MTMR2: variants seen among roughly 807,000 people sequenced by gnomAD.
MTMR2 encodes phosphatidylinositol-3,5-bisphosphate 3-phosphatase MTMR2.
In MTMR2, 55 loss-of-function variants were observed where a neutral mutation model predicts 86.9. The ratio of observed to expected loss-of-function variants is 0.63; its 90% CI spans 0.51 to 0.79. The LOEUF is 0.79. MTMR2 is among the 30% of genes least tolerant of loss of function. The pLI, the probability that MTMR2 is intolerant of heterozygous loss-of-function variation, is 0.00. For missense variants in MTMR2, 659 were observed against 772.3 expected (o/e 0.85, Z 1.74); for synonymous variants, 241 against 266.8 (o/e 0.90, Z 0.94).
chr11:95,850,411 ACT>A (rs1863972560), intron 8 of MTMR2, among the ~76,000 whole-genome samples, 187 bp downstream of exon 8: 1 of 152,060 alleles, frequency 6.6e-6, no homozygotes, highest in Non-Finnish European at 1.5e-5. Flanking sequence ...CCCATATCAC[ACT>A]CTCTGGAAGC....
intron 1 of MTMR2, among the ~76,000 whole-genome samples, chr11:95,923,035 A>T (rs4753704): frequency 0.13 from 20,369 of 152,134 alleles, 1,773 homozygotes; most frequent in African/African-American, 0.24. Flanking sequence ...TTTTTAAAAA[A>T]TTTTTAAATC....
intron 1 of MTMR2, among the ~76,000 whole-genome samples, chr11:95,907,330 T>G (rs1866317403): frequency 6.6e-6 from 1 of 151,900 alleles, no homozygotes; most frequent in Admixed American, 6.6e-5. Flanking sequence ...AGTGAAAACC[T>G]GAAGAGACTA....
intron 2 of MTMR2, among the ~76,000 whole-genome samples, chr11:95,882,847 C>A (rs1164876899): frequency 6.7e-6 from 1 of 148,368 alleles, no homozygotes; most frequent in African/African-American, 2.5e-5. Context: ...CTCAGCCTCC[C>A]GAGTAGCTGG....
chr11:95,913,422 T>C (rs1866583879), intron 1 of MTMR2, among the ~76,000 whole-genome samples: 1 of 152,134 alleles, frequency 6.6e-6, no homozygotes, highest in African/African-American at 2.4e-5. Flanking sequence ...ATCTGAAAAC[T>C]TTTGGAACTA....
At chr11:95,849,602 A>G in intron 9 of MTMR2, 72 bp downstream of exon 9, 1 of 1,381,350 alleles carries the variant, frequency 7.2e-7, no homozygotes, top group South Asian at 1.2e-5. Flanking sequence ...AGCTCTTTTT[A>G]CTACACTGTG....
At chr11:95,875,648 G>A (rs574442185) in intron 2 of MTMR2, among the ~76,000 whole-genome samples, 5 of 152,156 alleles carry the variant, frequency 3.3e-5, no homozygotes, top group East Asian at 1.9e-4. Flanking sequence ...GAGGAGCTGC[G>A]TTCCTCTGGA....
chr11:95,878,517 G>A (rs901934375), intron 2 of MTMR2, among the ~76,000 whole-genome samples: 5 of 152,108 alleles, frequency 3.3e-5, no homozygotes, highest in East Asian at 1.9e-4. Flanking sequence ...TACAGTCAAC[G>A]TAATAAATAT....
At position 95,923,991 on chromosome 11, in the gene MTMR2, GT is replaced by G; in HGVS notation, c.-38del. 6.4e-7 allele frequency: 1 copy of G among 1,551,284 alleles called. No individual in the cohort carries two copies. The highest frequency in any genetic ancestry group is 8.7e-7 in the Non-Finnish European group (1 of 1,147,086). ...GGCAGCACAGGGAAAGGCTGAAGCA[GT>G]CTTCGCGGCTACAGGGCGGGAGAAG... On this transcript the variant is annotated 5_prime_UTR_variant, in exon 1 of 15. Coordinates refer to ENST00000346299, the MANE Select transcript of MTMR2 (RefSeq NM_016156.6).
At chr11:95,854,426 CTT>C in intron 7 of MTMR2, among the ~76,000 whole-genome samples, 1 of 152,114 alleles carries the variant, frequency 6.6e-6, no homozygotes, top group South Asian at 2.1e-4. Context: ...ATGCATGTAA[CTT>C]ATGTTGGGTA....
chr11:95,923,763 C>T lies in MTMR2; in HGVS notation c.80+112G>A, dbSNP rs1186120789. ...TTCCCAAGTCCCGGGGAAGGAATTCCGGCGTAGCCTTCAGAAACCAGAATC... is the reference window on the plus strand; with the variant it reads ...TTCCCAAGTCCCGGGGAAGGAATTCTGGCGTAGCCTTCAGAAACCAGAATC... On this transcript the variant is annotated intron_variant, in intron 1 of 14. Transcript: ENST00000346299. 3.4e-6 allele frequency: 5 copies of T among 1,488,276 alleles called. No homozygotes were observed. The African/African-American group carries it at 5.6e-5, about 17-fold the overall frequency. The allele number at this position is 1,488,276 out of a possible 1,614,324, so 92.2% of individuals were successfully genotyped here. A position where few individuals can be genotyped will look rare whatever the true frequency, so the allele number is the denominator to read the frequency against.
intron 1 of MTMR2, among the ~76,000 whole-genome samples, chr11:95,919,553 A>G (rs189889647): frequency 6.6e-6 from 1 of 152,362 alleles, no homozygotes; most frequent in East Asian, 1.9e-4. Context: ...AACGACTAAC[A>G]ACACAAGTTA....
chr11:95,923,018 A>G (rs1164779525), intron 1 of MTMR2, among the ~76,000 whole-genome samples: 1 of 152,228 alleles, frequency 6.6e-6, no homozygotes, highest in Non-Finnish European at 1.5e-5. Context: ...TACAGGTCTT[A>G]TATTATTTTT....
At position 95,870,071 on chromosome 11, in the gene MTMR2, T is replaced by C. The variant is rs539211646; in HGVS notation, c.187-4395A>G. On this transcript the variant is annotated intron_variant, in intron 2 of 14. Transcript: ENST00000346299. ...TTTATATCAAAAGAAAAATTACATA[T>C]ATTTATTTGCATGCTGACATATTTA... Among the ~76,000 whole-genome samples the C allele has an allele frequency of 2.6e-5, 4 of 152,336 alleles. No individual in the cohort carries two copies. In the South Asian group the frequency reaches 6.2e-4, roughly 24 times the overall value.
intron 1 of MTMR2, among the ~76,000 whole-genome samples, chr11:95,895,047 C>T (rs1244897581): frequency 1.3e-5 from 2 of 151,354 alleles, no homozygotes; most frequent in Non-Finnish European, 2.9e-5. Flanking sequence ...TTTCTATATA[C>T]AAAACATTGG....
intron 3 of MTMR2, among the ~76,000 whole-genome samples, chr11:95,864,099 G>A (rs865841499): frequency 6.6e-6 from 1 of 152,134 alleles, no homozygotes; most frequent in Admixed American, 6.6e-5. Context: ...TTTTGGAGAT[G>A]TTGGGTATAA....
intron 13 of MTMR2, 33 bp downstream of exon 13, chr11:95,838,061 A>C: frequency 7.9e-7 from 1 of 1,260,158 alleles, no homozygotes; most frequent in Non-Finnish European, 1.2e-6. Flanking sequence ...TACAGTAGAG[A>C]TAGTATGGGG....
intron 5 of MTMR2, among the ~76,000 whole-genome samples, chr11:95,860,025 T>C (rs879863530): frequency 6.6e-6 from 1 of 152,232 alleles, no homozygotes; most frequent in African/African-American, 2.4e-5. Flanking sequence ...TGTTTATTGA[T>C]AACGATCCTG....
Position 95,835,113 on chromosome 11 carries a change from T to G in MTMR2, c.*177A>C, listed in dbSNP as rs1863201959. The G allele has an allele frequency of 1.6e-6, 1 of 643,610 alleles. No individual in the cohort carries two copies. The highest frequency in any genetic ancestry group is 1.8e-5 in the African/African-American group (1 of 54,516). The allele number at this position is 643,610 out of a possible 1,614,324, so 39.9% of individuals were successfully genotyped here. On this transcript the variant is annotated 3_prime_UTR_variant, in exon 15 of 15. Coordinates refer to ENST00000346299, the MANE Select transcript of MTMR2 (RefSeq NM_016156.6). Reference sequence around the variant, plus strand: ...ATCATGTAATTACATATGGAGTTACTTCACTTAAGCCACCTGCACTGCTAC... The same window carrying G: ...ATCATGTAATTACATATGGAGTTACGTCACTTAAGCCACCTGCACTGCTAC...
intron 3 of MTMR2, among the ~76,000 whole-genome samples, chr11:95,864,843 T>G (rs1037039346): frequency 6.6e-6 from 1 of 150,676 alleles, no homozygotes; most frequent in Non-Finnish European, 1.5e-5. Context: ...CAAGTAAAAT[T>G]CAGCATTTTT....
Sources: allele counts gnomAD v4.1 joint callset (sites outside exome capture counted in the v4.1 genomes callset), GRCh38; gene constraint gnomAD v4.1.1; transcripts MANE v1.5; gene names NCBI Gene and HGNC (gene_info 2026-07-23, HGNC 2026-07-21).